The following TTC6 variants were observed in gnomAD, a reference collection of about 807,000 sequenced individuals.
The protein encoded by TTC6 is tetratricopeptide repeat domain 6.
In TTC6, 172 loss-of-function variants were observed where a neutral mutation model predicts 210.4. That is an observed-to-expected ratio of 0.82 (90% CI 0.72 to 0.93). The LOEUF is 0.93. TTC6 is among the 40% of genes least tolerant of loss of function. The pLI is 0.00. For missense variants in TTC6, 2,414 were observed against 2,318.1 expected (o/e 1.04, Z -0.85); for synonymous variants, 804 against 819.6 (o/e 0.98, Z 0.32).
At chr14:37,597,039 G>T (rs2095606048) in intron 1 of TTC6, among the ~76,000 whole-genome samples, 1 of 150,758 alleles carries the variant, frequency 6.6e-6, no homozygotes, top group Non-Finnish European at 1.5e-5. Flanking sequence ...AAGGGTGGGG[G>T]GGTAGAAACG....
chr14:37,614,827 G>C (rs973853888), intron 2 of TTC6, among the ~76,000 whole-genome samples: 15 of 152,046 alleles, frequency 9.9e-5, no homozygotes, highest in African/African-American at 3.4e-4. Flanking sequence ...GCTCATTGCA[G>C]CCTCTGCCTC....
chr14:37,817,095 C>G (rs2096143793), intron 25 of TTC6, among the ~76,000 whole-genome samples: 1 of 152,162 alleles, frequency 6.6e-6, no homozygotes, highest in African/African-American at 2.4e-5. Context: ...AAGGCAGGAG[C>G]AGCCCCAGCT....
Position 37,622,107 on chromosome 14 carries a change from G to GA in TTC6, c.45dup (p.Ser16IlefsTer5). The GA allele has an allele frequency of 6.5e-7, 1 of 1,534,872 alleles. No homozygotes were observed. The stretch of plus-strand genomic sequence containing the variant: ...ACACTTTGGCCTGAAATACAAAGAG[G>GA]AATCGTATATGTTTAAAGAGCTTGA... On this transcript the variant is annotated frameshift_variant, in exon 1 of 31. Coordinates refer to ENST00000553443, the Ensembl canonical transcript of TTC6. LOFTEE classifies it high-confidence loss of function.
chr14:37,782,688 G>T (rs12891386), intron 14 of TTC6, among the ~76,000 whole-genome samples: 1 of 152,140 alleles, frequency 6.6e-6, no homozygotes, highest in African/African-American at 2.4e-5. Flanking sequence ...ATGAGAGAGG[G>T]CATCCCTGTC....
chr14:37,789,575 GT>G (rs1258249674), intron 15 of TTC6, among the ~76,000 whole-genome samples: 1 of 137,248 alleles, frequency 7.3e-6, no homozygotes. Context: ...CATTAATGGT[GT>G]TGGGACATTT....
intron 5 of TTC6, among the ~76,000 whole-genome samples, chr14:37,705,160 G>T (rs1309522964): frequency 6.6e-6 from 1 of 152,024 alleles, no homozygotes. Flanking sequence ...AGCAATGCCA[G>T]GCTATGAATC....
chr14:37,726,926 T>G (rs1332596380), intron 7 of TTC6, among the ~76,000 whole-genome samples: 1 of 152,056 alleles, frequency 6.6e-6, no homozygotes, highest in East Asian at 1.9e-4. Context: ...TCTTTTTCCT[T>G]TCTGATGGTG....
At chr14:37,825,181 C>T (rs978736642) in intron 27 of TTC6, among the ~76,000 whole-genome samples, 2 of 152,174 alleles carry the variant, frequency 1.3e-5, no homozygotes, top group East Asian at 1.9e-4. Context: ...TAGAAATGAG[C>T]ACAACAGATG....
At chr14:37,622,173 A>C (rs369061800) in exon 1 of TTC6, 24 of 1,535,424 alleles carry the variant, frequency 1.6e-5, no homozygotes, top group Non-Finnish European at 1.7e-5. Flanking sequence ...TCTCCGATTC[A>C]AGCAGAAGTT....
intron 5 of TTC6, among the ~76,000 whole-genome samples, chr14:37,708,468 C>T (rs2138721953): frequency 6.6e-6 from 1 of 152,114 alleles, no homozygotes; most frequent in South Asian, 2.1e-4. Flanking sequence ...ATTGACTAAT[C>T]CATGTTTATG....
intron 16 of TTC6, 39 bp downstream of exon 18, chr14:37,790,876 T>TA (rs1305840085): frequency 6.7e-7 from 1 of 1,492,124 alleles, no homozygotes; most frequent in Non-Finnish European, 8.9e-7. Context: ...TTCAGTTTTG[T>TA]AAAAAATCGA....
intron 14 of TTC6, among the ~76,000 whole-genome samples, chr14:37,754,433 CT>C (rs1262600226): frequency 6.6e-6 from 1 of 151,266 alleles, no homozygotes; most frequent in East Asian, 1.9e-4. Flanking sequence ...CTTTTTCTTT[CT>C]TTCTTTTTTT....
At chr14:37,645,583 C>T (rs1393110461) in intron 1 of TTC6, among the ~76,000 whole-genome samples, 1 of 152,100 alleles carries the variant, frequency 6.6e-6, no homozygotes, top group African/African-American at 2.4e-5. Context: ...AGAAAAGGAC[C>T]ATAGGAGAAC....
At chr14:37,807,512 C>T (rs1404347251) in intron 23 of TTC6, 52 bp downstream of exon 25, 8 of 1,412,358 alleles carry the variant, frequency 5.7e-6, no homozygotes, top group African/African-American at 5.6e-5. Flanking sequence ...GGCAGATTCT[C>T]TTATGCTAGG....
chr14:37,667,040 T>G (rs934346468), intron 1 of TTC6, among the ~76,000 whole-genome samples: 9 of 150,602 alleles, frequency 6.0e-5, no homozygotes, highest in Non-Finnish European at 1.3e-4. Context: ...TCTCTATTAT[T>G]GGACATTTAT....
chr14:37,749,884 A>C, intron 12 of TTC6, 41 bp downstream of exon 14: 1 of 1,247,646 alleles, frequency 8.0e-7, no homozygotes, highest in Non-Finnish European at 1.0e-6. Flanking sequence ...CTACATTTTG[A>C]CCTCAGCCTT....
intron 14 of TTC6, among the ~76,000 whole-genome samples, chr14:37,786,499 A>G (rs1241107530): frequency 6.6e-6 from 1 of 152,158 alleles, no homozygotes; most frequent in East Asian, 1.9e-4. Context: ...GGTTGGAGTG[A>G]GTCAATTTTC....
intron 1 of TTC6, among the ~76,000 whole-genome samples, chr14:37,654,490 A>G (rs2095718394): frequency 6.6e-6 from 1 of 152,026 alleles, no homozygotes; most frequent in African/African-American, 2.4e-5. Context: ...CCATGATTGG[A>G]AGCTTCCTGA....
chr14:37,671,870 A>C (rs2138483967), intron 1 of TTC6, among the ~76,000 whole-genome samples: 1 of 152,184 alleles, frequency 6.6e-6, no homozygotes, highest in South Asian at 2.1e-4. Context: ...TGGTTTTATC[A>C]ATGGTATTTT....
Sources: gnomAD v4.1 joint callset for allele counts (sites outside exome capture counted in the v4.1 genomes callset) on GRCh38, gnomAD v4.1.1 for gene constraint, MANE v1.5 for transcripts, NCBI Gene and HGNC (gene_info 2026-07-23, HGNC 2026-07-21) for gene names.